Variants in ZBTB7C observed in about 807,000 individuals in gnomAD.
The protein encoded by ZBTB7C is zinc finger and BTB domain-containing protein 7C.
Under a neutral mutation model 25.7 loss-of-function variants are expected in ZBTB7C, and 8 were observed. That is an observed-to-expected ratio of 0.31 (90% CI 0.18 to 0.56). ZBTB7C has a LOEUF of 0.56. Ranked by LOEUF, ZBTB7C falls within the 20% of genes least tolerant of loss-of-function variation. The pLI is 0.91. For synonymous variants in ZBTB7C, 394 were observed against 369.0 expected (o/e 1.07, Z -0.78); for missense variants, 824 against 855.2 (o/e 0.96, Z 0.46).
At chr18:48,044,173 G>A (rs1347503893) in intron 3 of ZBTB7C, among the ~76,000 whole-genome samples, 1 of 152,188 alleles carries the variant, frequency 6.6e-6, no homozygotes, top group Admixed American at 6.5e-5. Context: ...GCATTTCTCT[G>A]GGGGCTCAGA....
intron 1 of ZBTB7C, among the ~76,000 whole-genome samples, chr18:48,357,771 C>T (rs75026826): frequency 0.043 from 6,607 of 152,314 alleles, 435 homozygotes; most frequent in African/African-American, 0.14. Context: ...GGATTTCATG[C>T]TCATAGGACA....
At chr18:48,195,649 A>AG (rs756688041) in intron 2 of ZBTB7C, among the ~76,000 whole-genome samples, 2 of 152,092 alleles carry the variant, frequency 1.3e-5, no homozygotes, top group Admixed American at 1.3e-4. Flanking sequence ...TCCAGTTTTC[A>AG]GTTTTTTTTT....
chr18:48,371,848 C>T (rs2047396542), intron 1 of ZBTB7C, among the ~76,000 whole-genome samples: 1 of 152,146 alleles, frequency 6.6e-6, no homozygotes, highest in South Asian at 2.1e-4. Context: ...ACCACTGTTT[C>T]CCAGAAAGGT....
intron 3 of ZBTB7C, among the ~76,000 whole-genome samples, chr18:48,049,285 C>T (rs1199818245): frequency 6.6e-6 from 1 of 152,172 alleles, no homozygotes; most frequent in Non-Finnish European, 1.5e-5. Context: ...CTTCTGCTGC[C>T]TCAGTTTCCT....
chr18:48,116,703 C>T (rs2039453285), intron 3 of ZBTB7C, among the ~76,000 whole-genome samples: 2 of 152,130 alleles, frequency 1.3e-5, no homozygotes, highest in South Asian at 4.1e-4. Context: ...GCTTGCCTGG[C>T]CCTGGGCCCT....
intron 3 of ZBTB7C, chr18:48,180,207 T>C (rs1048019389): frequency 1.2e-5 from 3 of 241,818 alleles, no homozygotes; most frequent in Non-Finnish European, 2.6e-5. Flanking sequence ...ATATTTCTCC[T>C]TCCTTCCTTC....
intron 2 of ZBTB7C, among the ~76,000 whole-genome samples, chr18:48,310,391 G>A (rs2045787244): frequency 3.3e-5 from 5 of 151,234 alleles, no homozygotes; most frequent in Admixed American, 3.3e-4. Flanking sequence ...GTGCAAGTCT[G>A]GATTTTAAAA....
intron 2 of ZBTB7C, among the ~76,000 whole-genome samples, chr18:48,329,626 G>A (rs2046300438): frequency 6.6e-6 from 1 of 152,146 alleles, no homozygotes; most frequent in Non-Finnish European, 1.5e-5. Flanking sequence ...GTTTATGTAT[G>A]TGTGTTTGCA....
At chr18:48,346,117 T>G (rs763613726) in intron 1 of ZBTB7C, among the ~76,000 whole-genome samples, 33 of 152,250 alleles carry the variant, frequency 2.2e-4, no homozygotes, top group Non-Finnish European at 3.8e-4. Context: ...CATGCTTCTC[T>G]TCCTCACCAT....
intron 3 of ZBTB7C, among the ~76,000 whole-genome samples, chr18:48,047,280 A>G (rs2036512528): frequency 6.6e-6 from 1 of 152,126 alleles, no homozygotes; most frequent in Admixed American, 6.5e-5. Context: ...TTTGCCTCCC[A>G]TCTTCTAAGC....
At chr18:48,174,419 G>T (rs1488500836) in intron 3 of ZBTB7C, among the ~76,000 whole-genome samples, 2 of 152,218 alleles carry the variant, frequency 1.3e-5, no homozygotes, top group East Asian at 3.8e-4. Flanking sequence ...AGATTGGCAA[G>T]AATTCCAAAA....
At chr18:48,178,092 C>T (rs1158341094) in intron 3 of ZBTB7C, among the ~76,000 whole-genome samples, 1 of 152,102 alleles carries the variant, frequency 6.6e-6, no homozygotes, top group East Asian at 1.9e-4. Context: ...TGTTCACAGC[C>T]CTGGGGTACT....
intron 2 of ZBTB7C, among the ~76,000 whole-genome samples, chr18:48,320,236 C>T (rs909587089): frequency 3.3e-5 from 5 of 152,148 alleles, no homozygotes; most frequent in Admixed American, 3.3e-4. Flanking sequence ...CAAGAATGCG[C>T]TAGCACAGGG....
chr18:48,188,646 A>G (rs2042120574), intron 2 of ZBTB7C, among the ~76,000 whole-genome samples: 1 of 152,208 alleles, frequency 6.6e-6, no homozygotes, highest in Non-Finnish European at 1.5e-5. Flanking sequence ...ATTGAGAGAC[A>G]GGATTCTCCT....
chr18:48,368,880 A>C (rs1383827401), intron 1 of ZBTB7C, among the ~76,000 whole-genome samples: 1 of 152,214 alleles, frequency 6.6e-6, no homozygotes, highest in Non-Finnish European at 1.5e-5. Context: ...AGGAAAACTA[A>C]GATAATCTGT....
chr18:48,125,594 A>G (rs2039773801), intron 3 of ZBTB7C, among the ~76,000 whole-genome samples: 1 of 152,250 alleles, frequency 6.6e-6, no homozygotes, highest in African/African-American at 2.4e-5. Context: ...GCTGGCCATA[A>G]CAATATGATG....
At chr18:48,128,978 C>A (rs1243995308) in intron 3 of ZBTB7C, among the ~76,000 whole-genome samples, 1 of 152,006 alleles carries the variant, frequency 6.6e-6, no homozygotes, top group Non-Finnish European at 1.5e-5. Context: ...AATGTGAATT[C>A]GTGCAAAGAA....
chr18:48,186,724 G>A (rs2042064979), intron 2 of ZBTB7C, among the ~76,000 whole-genome samples: 1 of 151,730 alleles, frequency 6.6e-6, no homozygotes, highest in African/African-American at 2.4e-5. Flanking sequence ...CTTCAAGACA[G>A]GATGCCCTTT....
chr18:48,208,902 T>C (rs1337933119), intron 2 of ZBTB7C, among the ~76,000 whole-genome samples: 1 of 152,260 alleles, frequency 6.6e-6, no homozygotes, highest in Non-Finnish European at 1.5e-5. Context: ...AGGGTGGCTC[T>C]GAAAGTCTGT....
Sources: allele counts gnomAD v4.1 joint callset (sites outside exome capture counted in the v4.1 genomes callset), GRCh38; gene constraint gnomAD v4.1.1; transcripts MANE v1.5; gene names NCBI Gene and HGNC (gene_info 2026-07-23, HGNC 2026-07-21).